Variants in GSG1L observed in about 807,000 individuals in gnomAD.
The protein encoded by GSG1L is germ cell-specific gene 1-like protein.
Under a neutral mutation model 42.1 loss-of-function variants are expected in GSG1L, and 24 were observed. The observed-to-expected ratio is 0.57, with a 90% CI of 0.41 to 0.80. GSG1L has a LOEUF of 0.80. GSG1L is among the 30% of genes least tolerant of loss of function. GSG1L has a pLI of 0.00. For synonymous variants in GSG1L, 215 were observed against 203.5 expected (o/e 1.06, Z -0.48); for missense variants, 445 against 472.2 (o/e 0.94, Z 0.53).
chr16:27,920,906 G>T (rs72784106), intron 2 of GSG1L, among the ~76,000 whole-genome samples: 14 of 152,068 alleles, frequency 9.2e-5, no homozygotes, highest in Non-Finnish European at 1.5e-4. Context: ...ATGTTTAGTC[G>T]TGGGGAATAA....
chr16:27,967,427 G>A (rs2085147872), intron 1 of GSG1L, among the ~76,000 whole-genome samples: 1 of 152,162 alleles, frequency 6.6e-6, no homozygotes, highest in Non-Finnish European at 1.5e-5. Context: ...CTGCTCTGTG[G>A]TTCCAGCATT....
At chr16:27,851,329 TG>T (rs2083512543) in intron 3 of GSG1L, among the ~76,000 whole-genome samples, 1 of 152,160 alleles carries the variant, frequency 6.6e-6, no homozygotes, top group African/African-American at 2.4e-5. Context: ...CCAGAGTAGC[TG>T]GGACTATAGG....
intron 4 of GSG1L, among the ~76,000 whole-genome samples, chr16:27,839,852 G>C (rs1339910610): frequency 6.6e-6 from 1 of 152,204 alleles, no homozygotes; most frequent in Non-Finnish European, 1.5e-5. Flanking sequence ...GCTGGGTTCA[G>C]CCCCGGCTGC....
intron 2 of GSG1L, among the ~76,000 whole-genome samples, chr16:27,924,334 TAC>T (rs902861975): frequency 4.0e-5 from 6 of 150,486 alleles, no homozygotes; most frequent in African/African-American, 1.5e-4. Context: ...TATGTGTGTG[TAC>T]ACACATTACT....
intron 2 of GSG1L, among the ~76,000 whole-genome samples, chr16:27,905,632 C>A (rs926125672): frequency 3.3e-5 from 5 of 152,174 alleles, no homozygotes; most frequent in African/African-American, 1.2e-4. Context: ...GAATAATGAA[C>A]AAATATTTGT....
At chr16:27,815,974 A>G (rs1375757991) in intron 5 of GSG1L, among the ~76,000 whole-genome samples, 1 of 152,152 alleles carries the variant, frequency 6.6e-6, no homozygotes, top group Non-Finnish European at 1.5e-5. Flanking sequence ...AAATAAATAA[A>G]ACAATAAATA....
chr16:27,926,700 C>G (rs1032111800), intron 2 of GSG1L, among the ~76,000 whole-genome samples: 1 of 151,812 alleles, frequency 6.6e-6, no homozygotes, highest in African/African-American at 2.4e-5. Context: ...AAGGAAAAAA[C>G]AAACGAAAAA....
chr16:27,938,071 C>T (rs1328857693), intron 2 of GSG1L, among the ~76,000 whole-genome samples: 1 of 152,060 alleles, frequency 6.6e-6, no homozygotes, highest in South Asian at 2.1e-4. Flanking sequence ...CAGTTGGAGC[C>T]GGGTCCAGCT....
chr16:28,050,974 G>A (rs1018288859), intron 1 of GSG1L, among the ~76,000 whole-genome samples: 6 of 152,136 alleles, frequency 3.9e-5, no homozygotes, highest in Non-Finnish European at 7.4e-5. Context: ...ACCTCCTGTC[G>A]TCTGTCTTCC....
At chr16:28,043,697 C>T (rs72785838) in intron 1 of GSG1L, among the ~76,000 whole-genome samples, 33,660 of 152,128 alleles carry the variant, frequency 0.22, 4,724 homozygotes, top group Non-Finnish European at 0.3. Context: ...CACTCAGTGC[C>T]GGAGGAATGA....
chr16:27,877,898 C>T (rs1250490455), intron 3 of GSG1L, among the ~76,000 whole-genome samples: 1 of 152,170 alleles, frequency 6.6e-6, no homozygotes, highest in East Asian at 1.9e-4. Flanking sequence ...GAACACTTCA[C>T]CATGGCAGAC....
intron 3 of GSG1L, among the ~76,000 whole-genome samples, chr16:27,869,609 ATC>A (rs1228973105): frequency 2.4e-5 from 2 of 83,162 alleles, no homozygotes; most frequent in Non-Finnish European, 4.7e-5. Flanking sequence ...CTCTGTCTCC[ATC>A]TCTCTCTCCT....
intron 3 of GSG1L, among the ~76,000 whole-genome samples, chr16:27,849,691 GTATTTATT>G (rs747204110): frequency 1.3e-5 from 2 of 151,860 alleles, no homozygotes; most frequent in African/African-American, 4.8e-5. Flanking sequence ...CTTGGCTATT[GTATTTATT>G]TATTTATTTA....
chr16:28,039,426 G>A (rs570068679), intron 1 of GSG1L, among the ~76,000 whole-genome samples: 4 of 152,188 alleles, frequency 2.6e-5, no homozygotes, highest in Admixed American at 2.0e-4. Context: ...AAAACTCTAC[G>A]ATGCACAGGA....
intron 6 of GSG1L, among the ~76,000 whole-genome samples, chr16:27,793,496 T>TC (rs984724052): frequency 2.0e-5 from 3 of 151,834 alleles, no homozygotes; most frequent in Non-Finnish European, 4.4e-5. Context: ...TTGTTTTGTT[T>TC]TTTTAATCTA....
chr16:27,938,142 G>A (rs942092824), intron 2 of GSG1L, among the ~76,000 whole-genome samples: 1 of 152,134 alleles, frequency 6.6e-6, no homozygotes, highest in African/African-American at 2.4e-5. Context: ...GCCCCTTGGG[G>A]CTGTGGTCAG....
intron 1 of GSG1L, among the ~76,000 whole-genome samples, chr16:27,970,100 T>A (rs1308097327): frequency 6.6e-6 from 1 of 152,042 alleles, no homozygotes; most frequent in Non-Finnish European, 1.5e-5. Context: ...ATATTCTGCA[T>A]ACAAGTCCCT....
At chr16:27,863,869 T>C (rs374981450) in intron 3 of GSG1L, among the ~76,000 whole-genome samples, 1 of 152,348 alleles carries the variant, frequency 6.6e-6, no homozygotes, top group South Asian at 2.1e-4. Flanking sequence ...TTAGGACTCA[T>C]AATCACAAGT....
At chr16:28,013,865 G>A (rs188032821) in intron 1 of GSG1L, among the ~76,000 whole-genome samples, 55 of 152,366 alleles carry the variant, frequency 3.6e-4, no homozygotes, top group African/African-American at 1.2e-3. Flanking sequence ...TGGACAGTCC[G>A]TGTCAGGGTG....
Sources: gnomAD v4.1 joint callset for allele counts (sites outside exome capture counted in the v4.1 genomes callset) on GRCh38, gnomAD v4.1.1 for gene constraint, MANE v1.5 for transcripts, NCBI Gene and HGNC (gene_info 2026-07-23, HGNC 2026-07-21) for gene names.